RCAN2: variants seen among roughly 807,000 people sequenced by gnomAD.
RCAN2 encodes calcipressin-2.
RCAN2 carries 9 observed loss-of-function variants against 23.6 expected under a neutral mutation model. The observed-to-expected ratio is 0.38, with a 90% CI of 0.23 to 0.67. The LOEUF is 0.67. RCAN2 is among the 30% of genes least tolerant of loss of function. The pLI, the probability that RCAN2 is intolerant of heterozygous loss-of-function variation, is 0.51. For missense variants in RCAN2, 273 were observed against 302.3 expected (o/e 0.90, Z 0.72); for synonymous variants, 109 against 115.7 (o/e 0.94, Z 0.37).
At chr6:46,443,781 C>T (rs983063318) in intron 2 of RCAN2, among the ~76,000 whole-genome samples, 1 of 152,174 alleles carries the variant, frequency 6.6e-6, no homozygotes, top group Non-Finnish European at 1.5e-5. Flanking sequence ...GTTCTTTCTG[C>T]CTTACATTCT....
At chr6:46,295,061 G>C (rs1202719710) in intron 2 of RCAN2, among the ~76,000 whole-genome samples, 1 of 152,106 alleles carries the variant, frequency 6.6e-6, no homozygotes, top group Non-Finnish European at 1.5e-5. Context: ...TCAAAGGAGA[G>C]AAAATCCATA....
At chr6:46,258,904 A>G (rs1206183482) in intron 2 of RCAN2, among the ~76,000 whole-genome samples, 1 of 152,226 alleles carries the variant, frequency 6.6e-6, no homozygotes, top group African/African-American at 2.4e-5. Flanking sequence ...TATGAGGACT[A>G]TTAACTGGAA....
rs1765499034 is a variant in RCAN2 at position 46,222,197 on chromosome 6, T to TATGAAG, written c.*938_*943dup. ...TATTATCAGAGTATCTGTATTAGTA[T>TATGAAG]ATGAAGGCATTCATAAGCAATGCAC... On this transcript the variant is annotated 3_prime_UTR_variant, in exon 5 of 5. Transcript: ENST00000371374. 2 of 389,082 alleles carry TATGAAG rather than the reference T, an allele frequency of 5.1e-6. No individual in the cohort carries two copies. Among genetic ancestry groups the TATGAAG allele is most frequent in the Non-Finnish European group, 9.1e-6 (2 of 220,294 alleles). 24.1% of individuals were successfully genotyped at this position (389,082 alleles called of 1,614,324 possible). A position where few individuals can be genotyped will look rare whatever the true frequency, so the allele number is the denominator to read the frequency against.
rs751943616 is a variant in RCAN2, at chr6:46,344,188, C to T, written c.226-95292G>A. On this transcript the variant is annotated intron_variant, in intron 2 of 4. Transcript: ENST00000371374. ...CATTGAGTTATACACATAAAATGTG[C>T]GGATTTTATGATAGTTAATTTATGC... Among the ~76,000 whole-genome samples the T allele has an allele frequency of 8.5e-5, 13 of 152,048 alleles. No homozygotes were observed. The South Asian group carries it at 1.0e-3, about 12-fold the overall frequency.
At chr6:46,399,374 C>G (rs747783445) in intron 2 of RCAN2, among the ~76,000 whole-genome samples, 2 of 151,156 alleles carry the variant, frequency 1.3e-5, no homozygotes, top group South Asian at 2.1e-4. Context: ...TTTGCATTTT[C>G]AAAGGAAGGT....
chr6:46,402,772 A>G (rs922778223), intron 2 of RCAN2, among the ~76,000 whole-genome samples: 1 of 152,126 alleles, frequency 6.6e-6, no homozygotes, highest in Non-Finnish European at 1.5e-5. Flanking sequence ...TTTTGAACCT[A>G]AGGATAAAAA....
chr6:46,243,609 G>C (rs987151304), intron 4 of RCAN2, among the ~76,000 whole-genome samples: 1 of 151,914 alleles, frequency 6.6e-6, no homozygotes, highest in Non-Finnish European at 1.5e-5. Context: ...AGGAGTTTGA[G>C]ACCAGCCTGG....
chr6:46,314,231 A>T (rs7763020), intron 2 of RCAN2, among the ~76,000 whole-genome samples: 16 of 151,604 alleles, frequency 1.1e-4, no homozygotes, highest in Non-Finnish European at 1.5e-4. Context: ...GCCTGGTGGC[A>T]CATGCCTGTA....
intron 4 of RCAN2, among the ~76,000 whole-genome samples, chr6:46,242,802 T>C (rs917494648): frequency 1.3e-5 from 2 of 152,206 alleles, no homozygotes; most frequent in Admixed American, 6.5e-5. Flanking sequence ...TGGCTAAAGC[T>C]ATAAGAAAGC....
At chr6:46,482,181 C>T (rs1180174051) in intron 1 of RCAN2, among the ~76,000 whole-genome samples, 1 of 151,930 alleles carries the variant, frequency 6.6e-6, no homozygotes, top group African/African-American at 2.4e-5. Context: ...AGGTTAGATG[C>T]TCATCAACTG....
chr6:46,476,114 A>G (rs1014820765), intron 1 of RCAN2, among the ~76,000 whole-genome samples: 2 of 152,158 alleles, frequency 1.3e-5, no homozygotes, highest in Non-Finnish European at 2.9e-5. Flanking sequence ...CTGACCCTCC[A>G]CAAGCCTTAT....
chr6:46,279,386 A>G (rs1481364368), intron 2 of RCAN2, among the ~76,000 whole-genome samples: 1 of 152,194 alleles, frequency 6.6e-6, no homozygotes, highest in Non-Finnish European at 1.5e-5. Context: ...TAACCTTGGC[A>G]CTATTGACAT....
chr6:46,370,258 C>T (rs1765290285), intron 2 of RCAN2, among the ~76,000 whole-genome samples: 1 of 152,178 alleles, frequency 6.6e-6, no homozygotes, highest in Admixed American at 6.5e-5. Flanking sequence ...CCCTGCCAGG[C>T]CTCCTTAACA....
intron 2 of RCAN2, among the ~76,000 whole-genome samples, chr6:46,388,268 TAATAA>T (rs949080536): frequency 4.6e-5 from 7 of 151,250 alleles, no homozygotes; most frequent in African/African-American, 9.7e-5. Context: ...ATAATAATAA[TAATAA>T]AATAAATAAA....
chr6:46,436,787 C>T (rs1245454835), intron 2 of RCAN2, among the ~76,000 whole-genome samples: 4 of 152,280 alleles, frequency 2.6e-5, no homozygotes, highest in African/African-American at 9.6e-5. Context: ...CTGATAGATG[C>T]TAAGGCCCTC....
chr6:46,429,860 C>T (rs991683735), intron 2 of RCAN2, among the ~76,000 whole-genome samples: 2 of 152,102 alleles, frequency 1.3e-5, no homozygotes, highest in Admixed American at 1.3e-4. Flanking sequence ...AGGAGGGATG[C>T]GGCTGGCAGT....
chr6:46,456,135 T>C (rs1768020960), intron 2 of RCAN2, among the ~76,000 whole-genome samples: 1 of 152,098 alleles, frequency 6.6e-6, no homozygotes, highest in Non-Finnish European at 1.5e-5. Context: ...AGCTGGAAAA[T>C]GTTAATACAT....
chr6:46,405,667 A>G (rs1373200156), intron 2 of RCAN2, among the ~76,000 whole-genome samples: 3 of 152,182 alleles, frequency 2.0e-5, no homozygotes, highest in African/African-American at 7.2e-5. Flanking sequence ...TAAAGACTCC[A>G]TGTCCCCACC....
intron 2 of RCAN2, among the ~76,000 whole-genome samples, chr6:46,445,502 T>C (rs976933523): frequency 1.3e-5 from 2 of 152,126 alleles, no homozygotes; most frequent in African/African-American, 4.8e-5. Flanking sequence ...TTCAAATGCA[T>C]AGAAACTAAT....
Sources: allele counts gnomAD v4.1 joint callset (sites outside exome capture counted in the v4.1 genomes callset), GRCh38; gene constraint gnomAD v4.1.1; transcripts MANE v1.5; gene names NCBI Gene and HGNC (gene_info 2026-07-23, HGNC 2026-07-21).